EPHA3: variants seen among roughly 807,000 people sequenced by gnomAD.
The protein encoded by EPHA3 is ephrin type-A receptor 3.
A neutral mutation model predicts 107.1 loss-of-function variants in EPHA3; 42 were observed. The observed-to-expected ratio is 0.39, with a 90% CI of 0.31 to 0.51. The LOEUF (loss-of-function observed/expected upper bound fraction) is 0.51, where lower values mean the gene tolerates loss of function less well. EPHA3 is among the 20% of genes least tolerant of loss of function. EPHA3 has a pLI of 0.78. For missense variants in EPHA3, 1,183 were observed against 1,211.2 expected (o/e 0.98, Z 0.35); for synonymous variants, 461 against 424.8 (o/e 1.09, Z -1.05).
At chr3:89,170,017 G>A (rs1422224480) in intron 2 of EPHA3, among the ~76,000 whole-genome samples, 1 of 152,054 alleles carries the variant, frequency 6.6e-6, no homozygotes, top group African/African-American at 2.4e-5. Context: ...GGGAGGCCGA[G>A]GCGGGTAGAT....
intron 3 of EPHA3, among the ~76,000 whole-genome samples, chr3:89,221,006 G>T (rs369777049): frequency 1.3e-5 from 2 of 152,096 alleles, no homozygotes; most frequent in East Asian, 3.9e-4. Flanking sequence ...GAAAAATCAG[G>T]CAATTGTCCA....
intron 3 of EPHA3, among the ~76,000 whole-genome samples, chr3:89,252,584 G>T (rs1454859922): frequency 6.6e-6 from 1 of 152,050 alleles, no homozygotes; most frequent in African/African-American, 2.4e-5. Flanking sequence ...TAAAAAATTA[G>T]TCAGGCATGG....
chr3:89,358,088 A>G (rs529494754), intron 5 of EPHA3, among the ~76,000 whole-genome samples: 3 of 151,236 alleles, frequency 2.0e-5, no homozygotes, highest in African/African-American at 7.3e-5. Flanking sequence ...AAGATCTAGA[A>G]ATAATAAAGT....
intron 1 of EPHA3, 23 bp from the exon 2 acceptor site, chr3:89,127,186 T>A: frequency 6.3e-7 from 1 of 1,578,376 alleles, no homozygotes; most frequent in Non-Finnish European, 8.7e-7. Flanking sequence ...TTAACTGTGT[T>A]TGTGTATTAT....
At chr3:89,390,125 G>T (rs1708694894) in intron 5 of EPHA3, among the ~76,000 whole-genome samples, 1 of 152,052 alleles carries the variant, frequency 6.6e-6, no homozygotes, top group South Asian at 2.1e-4. Flanking sequence ...CCAAGTAGCT[G>T]GGATTACAGT....
chr3:89,212,486 G>T (rs1225249443), intron 3 of EPHA3, among the ~76,000 whole-genome samples: 1 of 151,664 alleles, frequency 6.6e-6, no homozygotes, highest in African/African-American at 2.4e-5. Context: ...TTTTTCATTT[G>T]GATATTTCAT....
At position 89,341,043 on chromosome 3, in the gene EPHA3, C is replaced by T; in HGVS notation, c.942C>T (p.Asp314=). The T allele has an allele frequency of 6.2e-7, 1 of 1,613,992 alleles. No individual in the cohort carries two copies. The highest frequency in any genetic ancestry group is 8.5e-7 in the Non-Finnish European group (1 of 1,179,970). ...GTGAGAATAATTACTTCCGGGCAGACAAAGACCCTCCATCCATGGCTTGTA... is the reference window on the plus strand; with the variant it reads ...GTGAGAATAATTACTTCCGGGCAGATAAAGACCCTCCATCCATGGCTTGTA... ...CRCENNYFRA[D]KDPPSMACTR... The change falls in exon 4 of 17, where the codon GAC becomes GAT. Residue 314 remains aspartate, a synonymous_variant. Coordinates refer to ENST00000336596, the MANE Select transcript of EPHA3 (RefSeq NM_005233.6).
At chr3:89,159,558 T>A (rs1203273973) in intron 2 of EPHA3, among the ~76,000 whole-genome samples, 1 of 152,116 alleles carries the variant, frequency 6.6e-6, no homozygotes, top group Non-Finnish European at 1.5e-5. Flanking sequence ...AATTCTCCAC[T>A]GCCTCTCACT....
In EPHA3 at chr3:89,228,225, G is replaced by A. The variant is rs534269763; in HGVS notation, c.814+17705G>A. Among the ~76,000 whole-genome samples the A allele has an allele frequency of 5.3e-5, 8 of 151,970 alleles. No homozygotes were observed. The South Asian group carries it at 1.5e-3, about 28-fold the overall frequency. Reference sequence around the variant, plus strand: ...GTTTCATCCATGGGTTGATAGTCACGGACAGAGTGTGTATAATTGGCAATG... The same window carrying A: ...GTTTCATCCATGGGTTGATAGTCACAGACAGAGTGTGTATAATTGGCAATG... On this transcript the variant is annotated intron_variant, in intron 3 of 16. Coordinates refer to ENST00000336596, the MANE Select transcript of EPHA3 (RefSeq NM_005233.6).
At chr3:89,407,935 T>C in intron 8 of EPHA3, 132 bp from the exon 9 acceptor site, 1 of 899,286 alleles carries the variant, frequency 1.1e-6, no homozygotes, top group African/African-American at 1.7e-5. Flanking sequence ...AATATGAAGT[T>C]ATTAAACTTT....
In EPHA3 at chr3:89,429,140, G is replaced by A; in HGVS notation, c.2109G>A (p.Glu703=). The A allele has an allele frequency of 6.2e-7, 1 of 1,610,762 alleles. No individual in the cohort carries two copies. Among genetic ancestry groups the A allele is most frequent in the Non-Finnish European group, 8.5e-7 (1 of 1,177,698 alleles). The change falls in exon 12 of 17, where the codon GAG becomes GAA. Residue 703 remains glutamate, a synonymous_variant. Transcript: ENST00000336596. The part of the protein sequence containing the change: ...KPVMIVTEYM[E]NGSLDSFLRK... ...TTATGATTGTCACAGAATACATGGA[G>A]AATGGTTCCTTGGATAGTTTCCTAC...
At chr3:89,127,310 C>G in intron 2 of EPHA3, 37 bp downstream of exon 2, 1 of 1,489,652 alleles carries the variant, frequency 6.7e-7, no homozygotes, top group South Asian at 1.1e-5. Context: ...AACATTTTCT[C>G]TATTACCTGT....
chr3:89,133,408 C>G (rs1157132239), intron 2 of EPHA3, among the ~76,000 whole-genome samples: 1 of 152,156 alleles, frequency 6.6e-6, no homozygotes, highest in South Asian at 2.1e-4. Context: ...AAGTAGGAAC[C>G]ATTACAATCA....
chr3:89,127,303 A>AT, intron 2 of EPHA3, 30 bp downstream of exon 2: 1 of 1,521,438 alleles, frequency 6.6e-7, no homozygotes, highest in Non-Finnish European at 9.1e-7. Context: ...ACAAGGAAAC[A>AT]TTTTCTCTAT....
Position 89,438,789 on chromosome 3 carries a change from G to A in EPHA3, c.2346+7430G>A, listed in dbSNP as rs555978263. Among the ~76,000 whole-genome samples the A allele has an allele frequency of 2.7e-3, 418 of 152,208 alleles. 1 individual carries two copies. The highest frequency in any genetic ancestry group is 9.5e-3 in the African/African-American group (393 of 41,534). On this transcript the variant is annotated intron_variant, in intron 13 of 16. Transcript: ENST00000336596. ...ATCAATATGAATATGCCTGCATGTA[G>A]CATCAGAAAATACAGCCACTTATTC...
chr3:89,223,866 A>G (rs534559403), intron 3 of EPHA3, among the ~76,000 whole-genome samples: 2 of 152,248 alleles, frequency 1.3e-5, no homozygotes, highest in African/African-American at 4.8e-5. Context: ...AAAATATAGT[A>G]ACGAATTTTT....
At chr3:89,265,213 C>T (rs1018052744) in intron 3 of EPHA3, among the ~76,000 whole-genome samples, 3 of 152,154 alleles carry the variant, frequency 2.0e-5, no homozygotes, top group Admixed American at 6.5e-5. Context: ...AAAAATGCAA[C>T]AAATCTTCTT....
At chr3:89,184,668 C>A (rs758634210) in intron 2 of EPHA3, among the ~76,000 whole-genome samples, 12 of 152,108 alleles carry the variant, frequency 7.9e-5, no homozygotes, top group Non-Finnish European at 1.5e-4. Context: ...AGCCAGAATT[C>A]TTGGTTTCCC....
At chr3:89,277,123 C>A (rs1481176141) in intron 3 of EPHA3, among the ~76,000 whole-genome samples, 1 of 152,128 alleles carries the variant, frequency 6.6e-6, no homozygotes, top group Admixed American at 6.6e-5. Context: ...TACCAACTTG[C>A]ATGTCCTAGG....
Sources: gnomAD v4.1 joint callset for allele counts (sites outside exome capture counted in the v4.1 genomes callset) on GRCh38, gnomAD v4.1.1 for gene constraint, MANE v1.5 for transcripts, NCBI Gene and HGNC (gene_info 2026-07-23, HGNC 2026-07-21) for gene names.